The following MUC5AC variants were observed in gnomAD, a reference collection of about 807,000 sequenced individuals.
The protein encoded by MUC5AC is mucin-5AC.
Under a neutral mutation model 169.7 loss-of-function variants are expected in MUC5AC, and 158 were observed. The ratio of observed to expected loss-of-function variants is 0.93; its 90% CI spans 0.82 to 1.06. MUC5AC has a LOEUF of 1.06. MUC5AC is among the 50% of genes least tolerant of loss of function. The pLI is 0.00. For synonymous variants in MUC5AC, 1,975 were observed against 1,237.0 expected (o/e 1.60, Z -12.52); for missense variants, 4,359 against 3,089.9 (o/e 1.41, Z -9.74).
rs1429058739 is a variant in MUC5AC, at chr11:1,199,200, C to T, written c.16395+15C>T. ...ACCTCTTCTACGTGAGTAGTGGCTG[C>T]CACAAAGAGGAAGGGCAGGGTCTGG... On this transcript the variant is annotated intron_variant, in intron 45 of 48. Coordinates refer to ENST00000621226, the MANE Select transcript of MUC5AC (RefSeq NM_001304359.2). 1.3e-6 allele frequency: 1 copy of T among 757,182 alleles called. No homozygotes were observed. Among genetic ancestry groups the T allele is most frequent in the South Asian group, 1.4e-5 (1 of 73,132 alleles). 46.9% of individuals were successfully genotyped at this position (757,182 alleles called of 1,614,324 possible).
At chr11:1,181,631 C>T (rs1374791563) in intron 30 of MUC5AC, among the ~76,000 whole-genome samples, 172 bp downstream of exon 30, 1 of 152,160 alleles carries the variant, frequency 6.6e-6, no homozygotes, top group Non-Finnish European at 1.5e-5. Context: ...CTGCTGTTTC[C>T]CCACCAGCCA....
chr11:1,171,403 CCACT>C (rs1213235113), intron 15 of MUC5AC, among the ~76,000 whole-genome samples: 3 of 116,348 alleles, frequency 2.6e-5, no homozygotes, highest in East Asian at 2.9e-4. Flanking sequence ...ACCCATTCAT[CCACT>C]CACTCACCTC....
chr11:1,195,436 A>G (rs1861244950), intron 36 of MUC5AC, among the ~76,000 whole-genome samples, 157 bp downstream of exon 36: 1 of 38,972 alleles, frequency 2.6e-5, no homozygotes, highest in South Asian at 8.3e-4. Flanking sequence ...GTTGGGGAGA[A>G]GTGGGTGCCG....
chr11:1,178,424 C>T lies in MUC5AC; in HGVS notation c.3088-20C>T. On this transcript the variant is annotated intron_variant, in intron 24 of 48. Transcript: ENST00000621226. ...CTCGGTTTGCTGCACCCACCTCCAC[C>T]TCTCCCGGTGCCTCTGCAGGGCAGG... is the stretch of plus-strand genomic sequence containing the variant. The T allele has an allele frequency of 1.9e-6, 1 of 538,752 alleles. No homozygotes were observed. Among genetic ancestry groups the T allele is most frequent in the Non-Finnish European group, 2.9e-6 (1 of 345,250 alleles). 33.4% of individuals were successfully genotyped at this position (538,752 alleles called of 1,614,324 possible). A position where few individuals can be genotyped will look rare whatever the true frequency, so the allele number is the denominator to read the frequency against.
chr11:1,169,488 CT>C (rs1860436319), intron 15 of MUC5AC, among the ~76,000 whole-genome samples: 1 of 111,462 alleles, frequency 9.0e-6, no homozygotes, highest in Non-Finnish European at 2.0e-5. Flanking sequence ...ACTCACTCAC[CT>C]CACTCACTCA....
In MUC5AC at chr11:1,198,324, A is replaced by G; in HGVS notation, c.16173+19A>G. The G allele has an allele frequency of 1.3e-6, 1 of 740,982 alleles. No individual in the cohort carries two copies. Among genetic ancestry groups the G allele is most frequent in the East Asian group, 2.5e-5 (1 of 39,870 alleles). 45.9% of individuals were successfully genotyped at this position (740,982 alleles called of 1,614,324 possible). A position where few individuals can be genotyped will look rare whatever the true frequency, so the allele number is the denominator to read the frequency against. ...GTACCAGGTAAGAGCCACGGAGCTC[A>G]GACCCCCTCAGCCATAGGGACGGAG... On this transcript the variant is annotated intron_variant, in intron 43 of 48. Coordinates refer to ENST00000621226, the MANE Select transcript of MUC5AC (RefSeq NM_001304359.2).
At position 1,162,090 on chromosome 11, in the gene MUC5AC, C is replaced by A. The variant is rs760860834; in HGVS notation, c.395C>A (p.Thr132Lys). Residue 132 changes from threonine to lysine, a missense_variant, in exon 4 of 49, where the codon ACG (threonine) becomes AAG (lysine). Transcript: ENST00000621226. ...CGCAGCCAGGAGTCAGCGGCCCCCACGCTGAGCAGGGTCCTCATGAAGGTG... is the reference window on the plus strand; with the variant it reads ...CGCAGCCAGGAGTCAGCGGCCCCCAAGCTGAGCAGGGTCCTCATGAAGGTG... ...LRRSQESAAP[T>K]LSRVLMKVDG... 3.1e-6 allele frequency: 5 copies of A among 1,612,510 alleles called. No individual in the cohort carries two copies. Among genetic ancestry groups the A allele is most frequent in the Non-Finnish European group, 4.2e-6 (5 of 1,179,820 alleles).
chr11:1,177,350 C>T lies in MUC5AC; in HGVS notation c.2907+6C>T, dbSNP rs1023130085. 9 of 442,266 alleles carry T rather than the reference C, an allele frequency of 2.0e-5. No individual in the cohort carries two copies. The highest frequency in any genetic ancestry group is 4.0e-5 in the African/African-American group (2 of 49,930). 27.4% of individuals were successfully genotyped at this position (442,266 alleles called of 1,614,324 possible). On this transcript the variant is annotated splice_donor_region_variant and intron_variant, in intron 23 of 48. Coordinates refer to ENST00000621226, the MANE Select transcript of MUC5AC (RefSeq NM_001304359.2). ...CCATCAAGATTTTCCTGGGGGTGAG[C>T]GAGGCTGGGTGGTCGCATGCCCTCC...
intron 10 of MUC5AC, 72 bp from the exon 11 acceptor site, chr11:1,165,550 G>T: frequency 6.3e-7 from 1 of 1,598,064 alleles, no homozygotes; most frequent in Non-Finnish European, 8.5e-7. Flanking sequence ...GACCCGGTCA[G>T]CCTCCTGACG....
chr11:1,168,937 C>A lies in MUC5AC; in HGVS notation c.1781C>A (p.Ala594Glu), dbSNP rs375020726. 2.5e-6 allele frequency: 4 copies of A among 1,611,460 alleles called. No homozygotes were observed. Among genetic ancestry groups the A allele is most frequent in the African/African-American group, 1.3e-5 (1 of 75,024 alleles). Reference sequence around the variant, plus strand: ...AGTGGGGTGGTGGAGGCCACCGCTGCGGCCTTCTTCAACACCTTCAAGACC... The same window carrying A: ...AGTGGGGTGGTGGAGGCCACCGCTGAGGCCTTCTTCAACACCTTCAAGACC... ...TLSGVVEATAAAFFNTFKTQA... is the reference protein window; with the variant it reads ...TLSGVVEATAEAFFNTFKTQA... Residue 594 changes from alanine (A) to glutamate (E), a missense_variant, in exon 15 of 49, where the codon GCG becomes GAG. Ala to Glu is a moderately radical substitution (Grantham distance 107). Coordinates refer to ENST00000621226, the MANE Select transcript of MUC5AC (RefSeq NM_001304359.2).
chr11:1,188,253 C>G lies in MUC5AC; in HGVS notation c.10108C>G (p.Pro3370Ala). 1.4e-6 allele frequency: 1 copy of G among 701,340 alleles called. No individual in the cohort carries two copies. The highest frequency in any genetic ancestry group is 2.6e-6 in the Non-Finnish European group (1 of 384,628). The allele number at this position is 701,340 out of a possible 1,614,324, so 43.4% of individuals were successfully genotyped here. ...TLVTTSTTST[P>A]QTSTTSAPTT... The stretch of plus-strand genomic sequence containing the variant: ...GGTGACAACCAGCACAACCTCCACT[C>G]CACAGACCAGCACAACCTCTGCTCC... The change falls in exon 31 of 49, where the codon CCA becomes GCA. Residue 3370 changes from proline (P) to alanine (A), a missense_variant. Transcript: ENST00000621226.
At chr11:1,160,299 C>A (rs1256964449) in intron 1 of MUC5AC, among the ~76,000 whole-genome samples, 3 of 151,894 alleles carry the variant, frequency 2.0e-5, no homozygotes, top group African/African-American at 7.3e-5. Flanking sequence ...GGGGCCAGGG[C>A]CTGGCACGCT....
intron 15 of MUC5AC, among the ~76,000 whole-genome samples, chr11:1,170,276 C>T: frequency 7.0e-6 from 1 of 141,948 alleles, no homozygotes; most frequent in East Asian, 2.2e-4. Context: ...CCCACTCACC[C>T]ACTCACTCAC....
chr11:1,170,395 A>C, intron 15 of MUC5AC, among the ~76,000 whole-genome samples: 1 of 134,182 alleles, frequency 7.5e-6, no homozygotes, highest in Non-Finnish European at 1.6e-5. Context: ...CCACTCACCC[A>C]TTCACCCACT....
rs878950375 is a variant in MUC5AC at position 1,182,472 on chromosome 11, G to A, written c.4327G>A (p.Gly1443Arg). The change falls in exon 31 of 49, where the codon GGG becomes AGG. Residue 1443 changes from glycine (G) to arginine (R), a missense_variant. By Grantham distance (125) the Gly-to-Arg change is moderately radical (BLOSUM62 -2). Coordinates refer to ENST00000621226, the MANE Select transcript of MUC5AC (RefSeq NM_001304359.2). ...DAPGVPLRAL[G>R]QRVQCSPDVG... ...CCCCGGAGTGCCGCTCCGAGCCCTG[G>A]GGCAGCGTGTGCAGTGCAGCCCGGA... 27,791 of 398,654 alleles carry A rather than the reference G, an allele frequency of 0.07. 1,225 individuals carry two copies. The highest frequency in any genetic ancestry group is 0.09 in the Non-Finnish European group (20,328 of 226,090). The allele number at this position is 398,654 out of a possible 1,614,324, so 24.7% of individuals were successfully genotyped here.
intron 25 of MUC5AC, 142 bp from the exon 26 acceptor site, chr11:1,178,950 C>A: frequency 4.6e-6 from 2 of 438,888 alleles, no homozygotes; most frequent in South Asian, 6.8e-5. Flanking sequence ...ATGGGCCCAG[C>A]CGGCCACTTG....
chr11:1,168,088 G>A (rs1860387484), intron 12 of MUC5AC, 101 bp downstream of exon 12: 4 of 991,962 alleles, frequency 4.0e-6, no homozygotes, highest in Non-Finnish European at 4.6e-6. Context: ...CATGAACAGC[G>A]AGAGGCGGGG....
At chr11:1,174,724 TG>T in intron 17 of MUC5AC, 102 bp downstream of exon 17, 1 of 535,920 alleles carries the variant, frequency 1.9e-6, no homozygotes, top group Non-Finnish European at 3.3e-6. Context: ...CCGTCCTCTG[TG>T]CTGGGCTTGA....
At position 1,189,884 on chromosome 11, in the gene MUC5AC, C is replaced by T. The variant is rs1205298952; in HGVS notation, c.11739C>T (p.Ser3913=). 34 of 764,758 alleles carry T rather than the reference C, an allele frequency of 4.4e-5. No homozygotes were observed. The Middle Eastern group carries it at 1.1e-3, about 25-fold the overall frequency. 47.4% of individuals were successfully genotyped at this position (764,758 alleles called of 1,614,324 possible). A position where few individuals can be genotyped will look rare whatever the true frequency, so the allele number is the denominator to read the frequency against. The change falls in exon 31 of 49, where the codon TCC becomes TCT. Residue 3913 remains serine, a synonymous_variant. Transcript: ENST00000621226. The part of the protein sequence containing the change: ...KTSAATSSTT[S]GSGTTPSPVP... The stretch of plus-strand genomic sequence containing the variant: ...CAGCTGCTACAAGCAGCACAACCTC[C>T]GGTTCTGGAACTACTCCCAGCCCCG...
Sources: allele counts gnomAD v4.1 joint callset (sites outside exome capture counted in the v4.1 genomes callset), GRCh38; gene constraint gnomAD v4.1.1; transcripts MANE v1.5; gene names NCBI Gene and HGNC (gene_info 2026-07-23, HGNC 2026-07-21).